CDK5RAP2: variants seen among roughly 807,000 people sequenced by gnomAD.
CDK5RAP2 encodes the protein CDK5 regulatory subunit associated protein 2, also known as CDK5 regulatory subunit-associated protein 2.
CDK5RAP2 carries 147 observed loss-of-function variants against 232.9 expected under a neutral mutation model. The ratio of observed to expected loss-of-function variants is 0.63; its 90% CI spans 0.55 to 0.72. The LOEUF (loss-of-function observed/expected upper bound fraction) is 0.72, where lower values mean the gene tolerates loss of function less well. CDK5RAP2 is among the 30% of genes least tolerant of loss of function. The pLI is 0.00. For missense variants in CDK5RAP2, 2,195 were observed against 2,231.5 expected (o/e 0.98, Z 0.33); for synonymous variants, 833 against 833.7 (o/e 1.00, Z 0.01).
chr9:120,544,913 G>A (rs2041777955), intron 5 of CDK5RAP2, among the ~76,000 whole-genome samples: 1 of 152,290 alleles, frequency 6.6e-6, no homozygotes, highest in Non-Finnish European at 1.5e-5. Flanking sequence ...TCGGGCAGAT[G>A]TTAGACTCGA....
In CDK5RAP2 at chr9:120,413,704, C is replaced by T. The variant is rs558431482; in HGVS notation, c.4297+1336G>A. Among the ~76,000 whole-genome samples the T allele has an allele frequency of 1.7e-4, 26 of 152,280 alleles. No individual in the cohort carries two copies. In the East Asian group the frequency reaches 5.0e-3, roughly 29 times the overall value. ...CATTACCAAGAGTGAATGTGAAGGG[C>T]CCAGGCGTGTATTTCTTTCCTGTGT... On this transcript the variant is annotated intron_variant, in intron 28 of 37. Transcript: ENST00000349780.
intron 5 of CDK5RAP2, 52 bp downstream of exon 5, chr9:120,545,662 G>A: frequency 2.2e-6 from 3 of 1,366,614 alleles, no homozygotes; most frequent in Non-Finnish European, 3.1e-6. Flanking sequence ...CTATTTCACT[G>A]ACCAACCCAG....
chr9:120,402,269 G>A (rs1466961675), intron 34 of CDK5RAP2, among the ~76,000 whole-genome samples: 1 of 152,182 alleles, frequency 6.6e-6, no homozygotes, highest in Non-Finnish European at 1.5e-5. Context: ...CTGCACTCCA[G>A]CCTGGGTGAC....
chr9:120,400,880 T>C lies in CDK5RAP2; in HGVS notation c.5313A>G (p.Pro1771=), dbSNP rs1554727598. 3.1e-6 allele frequency: 5 copies of C among 1,613,934 alleles called. No homozygotes were observed. Among genetic ancestry groups the C allele is most frequent in the South Asian group, 2.2e-5 (2 of 91,078 alleles). The change falls in exon 35 of 38, where the codon CCA becomes CCG. Residue 1771 remains proline (P), a synonymous_variant. Transcript: ENST00000349780. ...CAAACTTGCTCAGTGGTGCTGGGTG[T>C]GGACCCTACACGGGGGATATGAAGG... ...STSQELGTKG[P]HPAPLSKFVS... is the part of the protein sequence containing the mutation.
Position 120,515,060 on chromosome 9 carries a change from CAGAG to C in CDK5RAP2, c.1311+3363_1311+3366del, listed in dbSNP as rs149313727. 7.3e-3 allele frequency among the ~76,000 whole-genome samples: 1,076 copies of C among 148,386 alleles called. 10 individuals are homozygous for C. Among genetic ancestry groups the C allele is most frequent in the Non-Finnish European group, 0.011 (766 of 67,020 alleles). ...ACATATTATATATTATCGAGAGAGA[CAGAG>C]AGAGAGAGAGAGAGACAGAGTGTGT... On this transcript the variant is annotated intron_variant, in intron 12 of 37. Transcript: ENST00000349780.
intron 5 of CDK5RAP2, among the ~76,000 whole-genome samples, chr9:120,542,483 G>A (rs1269178437): frequency 7.7e-5 from 11 of 143,558 alleles, no homozygotes; most frequent in South Asian, 2.2e-4. Context: ...GCAACAGAGC[G>A]AGACTCCATC....
rs769376637 is a variant in CDK5RAP2, at chr9:120,422,697, C to T, written c.4000G>A (p.Glu1334Lys). ...VEMNTQNELM[E>K]RIEEDNLTYQ... is the part of the protein sequence containing the mutation. ...TAACAAATGTTACACACTCACCTCT[C>T]CATCAGTTCATTCTGGGTGTTCATT... The change falls in exon 26 of 38, where the codon GAG (glutamate) becomes AAG (lysine). Residue 1334 changes from glutamate (E) to lysine (K), a missense_variant. Glu to Lys is a moderately conservative substitution (Grantham distance 56). Coordinates refer to ENST00000349780, the MANE Select transcript of CDK5RAP2 (RefSeq NM_018249.6). The T allele has an allele frequency of 1.1e-5, 17 of 1,611,382 alleles. No homozygotes were observed. Among genetic ancestry groups the T allele is most frequent in the Admixed American group, 1.7e-5 (1 of 60,002 alleles).
intron 13 of CDK5RAP2, among the ~76,000 whole-genome samples, chr9:120,488,747 T>A (rs2038741358): frequency 6.6e-6 from 1 of 152,282 alleles, no homozygotes; most frequent in African/African-American, 2.4e-5. Flanking sequence ...GCCACGCAGA[T>A]ACTGCTCATA....
chr9:120,497,109 A>G (rs1459615697), intron 12 of CDK5RAP2, among the ~76,000 whole-genome samples: 1 of 127,916 alleles, frequency 7.8e-6, no homozygotes, highest in African/African-American at 3.7e-5. Flanking sequence ...CTGTGACCTT[A>G]CCCCCAACCC....
chr9:120,569,661 G>A (rs940928019), intron 2 of CDK5RAP2, among the ~76,000 whole-genome samples: 1 of 152,148 alleles, frequency 6.6e-6, no homozygotes, highest in African/African-American at 2.4e-5. Context: ...AGGTAAACAG[G>A]GACAGACTGT....
At position 120,527,791 on chromosome 9, in the gene CDK5RAP2, G is replaced by A. The variant is rs1040864285; in HGVS notation, c.999+15C>T. On this transcript the variant is annotated intron_variant, in intron 10 of 37. Transcript: ENST00000349780. ...CTAATAAAGAAAAATCTTACTTCAAGTGTATCAGACATACCTTTTTTTCCT... is the reference window on the plus strand; with the variant it reads ...CTAATAAAGAAAAATCTTACTTCAAATGTATCAGACATACCTTTTTTTCCT... 12 of 1,612,360 alleles carry A rather than the reference G, an allele frequency of 7.4e-6. No individual in the cohort carries two copies. The highest frequency in any genetic ancestry group is 1.3e-5 in the African/African-American group (1 of 74,904).
At chr9:120,560,176 G>C (rs940301384) in intron 3 of CDK5RAP2, among the ~76,000 whole-genome samples, 2 of 152,220 alleles carry the variant, frequency 1.3e-5, no homozygotes, top group Non-Finnish European at 2.9e-5. Context: ...TGCTACTTTT[G>C]CAGTGTGTGA....
rs754438413 is a variant in CDK5RAP2, at chr9:120,545,716, G to A, written c.381C>T (p.Ala127=). ...LQEREQLLIK[A]SKAVESLAEA... ...TTTCAACGGATGATGGTACTCACGAGGCTTTGATGAGCAGCTGCTCTCTCT... is the reference window on the plus strand; with the variant it reads ...TTTCAACGGATGATGGTACTCACGAAGCTTTGATGAGCAGCTGCTCTCTCT... The change falls in exon 5 of 38, where the codon GCC becomes GCT. Residue 127 remains alanine, a splice_region_variant and synonymous_variant. Transcript: ENST00000349780. The A allele has an allele frequency of 6.2e-7, 1 of 1,612,884 alleles. No homozygotes were observed.
intron 12 of CDK5RAP2, among the ~76,000 whole-genome samples, chr9:120,514,045 C>A (rs1489347986): frequency 1.3e-5 from 2 of 152,314 alleles, no homozygotes; most frequent in Admixed American, 6.5e-5. Context: ...ATAAAACAGT[C>A]ATGTGAGATG....
intron 25 of CDK5RAP2, among the ~76,000 whole-genome samples, chr9:120,428,421 G>A (rs2035056996): frequency 6.6e-6 from 1 of 151,960 alleles, no homozygotes; most frequent in East Asian, 1.9e-4. Flanking sequence ...ATGATAAAGG[G>A]GATATCACCA....
chr9:120,512,205 C>T (rs775533839), intron 12 of CDK5RAP2, among the ~76,000 whole-genome samples: 32 of 152,090 alleles, frequency 2.1e-4, no homozygotes, highest in Non-Finnish European at 4.3e-4. Context: ...ACAAATTAGC[C>T]AGGTGTGGTA....
intron 18 of CDK5RAP2, 150 bp from the exon 19 acceptor site, chr9:120,460,817 T>C (rs1431117315): frequency 1.4e-5 from 19 of 1,367,858 alleles, no homozygotes; most frequent in Non-Finnish European, 1.9e-5. Flanking sequence ...AGCCATGAAA[T>C]AAAAATTAAC....
intron 11 of CDK5RAP2, among the ~76,000 whole-genome samples, chr9:120,522,338 A>C (rs2040705255): frequency 6.6e-6 from 1 of 152,276 alleles, no homozygotes. Context: ...ATCTCAAAAT[A>C]AAAATTAAAA....
At chr9:120,453,346 C>T (rs1269801655) in intron 21 of CDK5RAP2, 110 bp downstream of exon 21, 2 of 1,007,320 alleles carry the variant, frequency 2.0e-6, no homozygotes, top group African/African-American at 3.2e-5. Flanking sequence ...GAGGGAGACA[C>T]TGGACATTCT....
Sources: gnomAD v4.1 joint callset for allele counts (sites outside exome capture counted in the v4.1 genomes callset) on GRCh38, gnomAD v4.1.1 for gene constraint, MANE v1.5 for transcripts, NCBI Gene and HGNC (gene_info 2026-07-23, HGNC 2026-07-21) for gene names.